Variants in ANO4 observed in about 807,000 individuals in gnomAD.
The protein encoded by ANO4 is anoctamin-4.
In ANO4, 69 loss-of-function variants were observed where a neutral mutation model predicts 141.9. That is an observed-to-expected ratio of 0.49 (90% CI 0.40 to 0.59). The LOEUF (loss-of-function observed/expected upper bound fraction) is 0.59. Ranked by LOEUF, ANO4 falls within the 20% of genes least tolerant of loss-of-function variation. The probability of loss-of-function intolerance (pLI) is 0.00; values close to 1 mark genes in which losing one functional copy is unlikely to be tolerated. For missense variants in ANO4, 894 were observed against 1,162.2 expected, an observed-to-expected ratio of 0.77 and a Z score of 3.36; for synonymous variants, 350 against 394.3, an observed-to-expected ratio of 0.89 and a Z score of 1.33.
Position 101,063,745 on chromosome 12 carries a change from C to CTTTTTTTTTTTTTTTTTT in ANO4, c.1312+15360_1312+15377dup. Among the ~76,000 whole-genome samples the CTTTTTTTTTTTTTTTTTT allele has an allele frequency of 5.2e-4, 13 of 24,798 alleles. 2 individuals carry two copies. The highest frequency in any genetic ancestry group is 1.4e-3 in the African/African-American group (8 of 5,636). 16.3% of individuals were successfully genotyped at this position (24,798 alleles called of 152,430 possible). A position where few individuals can be genotyped will look rare whatever the true frequency, so the allele number is the denominator to read the frequency against. On this transcript the variant is annotated intron_variant, in intron 14 of 27. Transcript: ENST00000392977. ...ATGGATGGAAGGTTGTCCAGGTTAT[C>CTTTTTTTTTTTTTTTTTT]TTTTTTTTTTTTTTTTTTTTTTTTT... is the stretch of plus-strand genomic sequence containing the variant.
intron 1 of ANO4, among the ~76,000 whole-genome samples, chr12:100,809,402 G>A (rs1268282544): frequency 6.6e-6 from 1 of 150,988 alleles, no homozygotes; most frequent in Non-Finnish European, 1.5e-5. Context: ...AAAAAAAAAG[G>A]GTAATGTGCT....
intron 1 of ANO4, among the ~76,000 whole-genome samples, chr12:100,861,390 C>T (rs778607709): frequency 1.3e-5 from 2 of 152,120 alleles, no homozygotes; most frequent in South Asian, 2.1e-4. Flanking sequence ...TGTTACTGTA[C>T]TGAATAGTGT....
intron 11 of ANO4, 78 bp downstream of exon 11, chr12:101,040,154 ATG>A: frequency 6.7e-7 from 1 of 1,492,172 alleles, no homozygotes; most frequent in Admixed American, 2.1e-5. Flanking sequence ...CAAGCTCCCA[ATG>A]AAGCAAAAAG....
At chr12:100,972,138 A>G (rs924732791) in intron 6 of ANO4, among the ~76,000 whole-genome samples, 1 of 152,326 alleles carries the variant, frequency 6.6e-6, no homozygotes, top group Admixed American at 6.5e-5. Flanking sequence ...AAAAAGATGG[A>G]TGGATGTAGT....
At chr12:100,834,238 C>CTTCACT in intron 1 of ANO4, among the ~76,000 whole-genome samples, 1 of 152,124 alleles carries the variant, frequency 6.6e-6, no homozygotes. Flanking sequence ...GTGATGGGTT[C>CTTCACT]AGCCCAGCTA....
At chr12:100,904,583 CAATTTGAAG>C (rs2040749219) in intron 2 of ANO4, among the ~76,000 whole-genome samples, 1 of 151,874 alleles carries the variant, frequency 6.6e-6, no homozygotes, top group Non-Finnish European at 1.5e-5. Flanking sequence ...GTGGGTCTGG[CAATTTGAAG>C]AATAGTATGG....
chr12:100,777,222 A>G (rs1279250886), intron 3 of ANO4, among the ~76,000 whole-genome samples: 1 of 139,706 alleles, frequency 7.2e-6, no homozygotes, highest in Non-Finnish European at 1.5e-5. Context: ...CCTCCCAAGT[A>G]GCTGGGATTA....
chr12:101,071,583 T>C (rs2136803164), intron 14 of ANO4, among the ~76,000 whole-genome samples: 2 of 152,106 alleles, frequency 1.3e-5, no homozygotes, highest in South Asian at 4.2e-4. Context: ...GGGGGGATGG[T>C]TAATGAGTAC....
chr12:100,793,502 A>G (rs1303658125), upstream of ANO4, among the ~76,000 whole-genome samples: 2 of 152,110 alleles, frequency 1.3e-5, no homozygotes. Context: ...AAATGTGCAA[A>G]TGGTATTCCA....
chr12:101,085,510 A>G (rs2049455113), intron 16 of ANO4, among the ~76,000 whole-genome samples: 1 of 152,178 alleles, frequency 6.6e-6, no homozygotes, highest in African/African-American at 2.4e-5. Flanking sequence ...GATGATTTAA[A>G]GTATATAGGA....
At chr12:101,026,672 A>T (rs562690779) in intron 9 of ANO4, among the ~76,000 whole-genome samples, 1 of 152,186 alleles carries the variant, frequency 6.6e-6, no homozygotes, top group Non-Finnish European at 1.5e-5. Flanking sequence ...TTTTCAACAT[A>T]TGATACTGAA....
chr12:101,088,663 C>G (rs1349420452), intron 17 of ANO4, among the ~76,000 whole-genome samples: 2 of 151,942 alleles, frequency 1.3e-5, no homozygotes, highest in African/African-American at 4.8e-5. Flanking sequence ...TGAGGTCAAC[C>G]TATACATAAA....
chr12:100,773,242 A>G (rs374411002), intron 3 of ANO4, among the ~76,000 whole-genome samples: 2 of 152,324 alleles, frequency 1.3e-5, no homozygotes, highest in African/African-American at 4.8e-5. Context: ...CCAGTCATGA[A>G]GGCTGAGCCC....
chr12:100,936,449 G>T (rs546428305), intron 3 of ANO4, among the ~76,000 whole-genome samples: 1 of 152,080 alleles, frequency 6.6e-6, no homozygotes. Context: ...AGACAAAACT[G>T]GTCCCAGTTG....
intron 1 of ANO4, among the ~76,000 whole-genome samples, chr12:100,810,383 G>A (rs1172892319): frequency 1.3e-5 from 2 of 152,118 alleles, no homozygotes; most frequent in African/African-American, 2.4e-5. Flanking sequence ...AGAGCAGAGT[G>A]GTGGAGGAGG....
intron 3 of ANO4, among the ~76,000 whole-genome samples, chr12:100,750,959 G>A (rs989366076): frequency 2.0e-5 from 3 of 152,126 alleles, no homozygotes; most frequent in Non-Finnish European, 4.4e-5. Flanking sequence ...GGTAGATGGA[G>A]GGAAGCATAA....
chr12:100,820,654 C>A (rs1484350738), intron 1 of ANO4, among the ~76,000 whole-genome samples: 4 of 151,992 alleles, frequency 2.6e-5, no homozygotes, highest in African/African-American at 9.7e-5. Context: ...TCCCTCAAAA[C>A]AAAACGAGTG....
chr12:101,068,807 A>G (rs2048698524), intron 14 of ANO4: 2 of 1,159,028 alleles, frequency 1.7e-6, no homozygotes, highest in Non-Finnish European at 2.6e-6. Flanking sequence ...ACAGTCATCA[A>G]AAAGTATCTA....
chr12:101,119,896 G>A (rs956332386), intron 25 of ANO4, among the ~76,000 whole-genome samples: 24 of 152,002 alleles, frequency 1.6e-4, no homozygotes, highest in African/African-American at 5.3e-4. Flanking sequence ...ACAGGTATTC[G>A]GCAAACATTT....
Sources: gnomAD v4.1 joint callset for allele counts (sites outside exome capture counted in the v4.1 genomes callset) on GRCh38, gnomAD v4.1.1 for gene constraint, MANE v1.5 for transcripts, NCBI Gene and HGNC (gene_info 2026-07-23, HGNC 2026-07-21) for gene names.